RGL2: variants seen among roughly 807,000 people sequenced by gnomAD.
RGL2 encodes the protein ral guanine nucleotide dissociation stimulator-like 2.
RGL2 carries 40 observed loss-of-function variants against 84.6 expected under a neutral mutation model. The observed-to-expected ratio is 0.47, with a 90% confidence interval of 0.37 to 0.62. RGL2 has a LOEUF of 0.62. Among genes scored for constraint, RGL2 ranks in the 20% least tolerant of loss-of-function variants. RGL2 has a pLI of 0.00. For synonymous variants in RGL2, 369 were observed against 417.3 expected (o/e 0.88, Z 1.41); for missense variants, 865 against 1,019.7 (o/e 0.85, Z 2.07).
In RGL2 at chr6:33,298,013, A is replaced by AG. The variant is rs1348489419; in HGVS notation, c.156+441dup. 19 of 124,298 alleles carry AG rather than the reference A, an allele frequency of 1.5e-4. No homozygotes were observed. The highest frequency in any genetic ancestry group is 5.3e-4 in the African/African-American group (18 of 33,910). The allele number at this position is 124,298 out of a possible 1,614,324, so 7.7% of individuals were successfully genotyped here. On this transcript the variant is annotated intron_variant, in intron 2 of 17. Coordinates refer to ENST00000497454, the MANE Select transcript of RGL2 (RefSeq NM_004761.5). This position sits in a 1 kb window ranked among gnomAD's most constrained non-coding sequence, Gnocchi z 4.8. ...GGGGCGGGGCGGGGGGGCGGGGGGA[A>AG]GGGGGAGAGAGGGAAGGAGGGGTCA...
upstream of RGL2, chr6:33,299,356 C>G (rs1768340817): frequency 6.6e-6 from 1 of 152,224 alleles, no homozygotes; most frequent in African/African-American, 2.4e-5. This position sits in a 1 kb window ranked among gnomAD's most constrained non-coding sequence, Gnocchi z 5.0. Flanking sequence ...ACCCTCCCTA[C>G]CACAACCCAC....
Position 33,293,686 on chromosome 6 carries a change from A to C in RGL2, c.1522T>G (p.Cys508Gly). 2 of 1,614,118 alleles carry C rather than the reference A, an allele frequency of 1.2e-6. No individual in the cohort carries two copies. Among genetic ancestry groups the C allele is most frequent in the South Asian group, 2.2e-5 (2 of 91,082 alleles). ...CTGGAACCAGGTGGCTCCACCTCAC[A>C]GGATACACGATGGCTGGGTTAGGGG... Reference protein sequence around the residue: ...LTEAQSHRVSCEVEPPGSSDP... With the variant: ...LTEAQSHRVSGEVEPPGSSDP... Residue 508 changes from cysteine to glycine, a missense_variant, in exon 14 of 18, where the codon TGT becomes GGT. Around this residue, in one of 5 missense-constraint regions of RGL2, gnomAD observed 75 missense variants for 130.8 expected, o/e 0.57. Transcript: ENST00000497454. The surrounding 1 kb of genome is among the most constrained non-coding windows in gnomAD (Gnocchi z 7.0).
chr6:33,291,842 G>A lies in RGL2; in HGVS notation c.*260C>T, dbSNP rs185862325. 12 of 586,674 alleles carry A rather than the reference G, an allele frequency of 2.0e-5. No individual in the cohort carries two copies. In the East Asian group the frequency reaches 3.4e-4, roughly 17 times the overall value. 36.3% of individuals were successfully genotyped at this position (586,674 alleles called of 1,614,324 possible). ...ATGGCCAAGAATCAGAAACTGATGC[G>A]TTTTTCCAGCACTACCTGTGTGCTG... On this transcript the variant is annotated 3_prime_UTR_variant, in exon 18 of 18. Coordinates refer to ENST00000497454, the MANE Select transcript of RGL2 (RefSeq NM_004761.5).
chr6:33,298,126 G>A lies in RGL2; in HGVS notation c.156+329C>T, dbSNP rs554117773. 196 of 223,184 alleles carry A rather than the reference G, an allele frequency of 8.8e-4. No individual in the cohort carries two copies. The highest frequency in any genetic ancestry group is 1.4e-3 in the Non-Finnish European group (155 of 113,366). The allele number at this position is 223,184 out of a possible 1,614,324, so 13.8% of individuals were successfully genotyped here. A position where few individuals can be genotyped will look rare whatever the true frequency, so the allele number is the denominator to read the frequency against. On this transcript the variant is annotated intron_variant, in intron 2 of 17. Transcript: ENST00000497454. The surrounding 1 kb of genome is among the most constrained non-coding windows in gnomAD (Gnocchi z 4.8). ...CCCCTCCCCGCCAAACAAAAACAAG[G>A]AGGGAGACAGGGACCAAGACACGAC...
rs1767676660 is a variant in RGL2, at chr6:33,293,857, G to A, written c.1446C>T (p.Leu482=). 6.2e-7 allele frequency: 1 copy of A among 1,614,158 alleles called. No individual in the cohort carries two copies. The highest frequency in any genetic ancestry group is 1.3e-5 in the African/African-American group (1 of 75,030). Residue 482 remains leucine (L), a synonymous_variant, in exon 13 of 18, where the codon CTC becomes CTT. Transcript: ENST00000497454. The surrounding 1 kb of genome is among the most constrained non-coding windows in gnomAD (Gnocchi z 7.0). Reference sequence around the variant, plus strand: ...ACCTCTGGATATCATGGTCAGGTTGGAGGTTATAGCCACGACATTCATTCT... The same window carrying A: ...ACCTCTGGATATCATGGTCAGGTTGAAGGTTATAGCCACGACATTCATTCT... ...RLQNECRGYN[L]QPDHDIQRWL... is the part of the protein sequence containing the mutation.
rs1288459587 is a variant in RGL2, at chr6:33,296,640, G to T, written c.377C>A (p.Ala126Asp). The change falls in exon 4 of 18, where the codon GCC becomes GAC. Residue 126 changes from alanine to aspartate, a missense_variant. This residue lies in a region of RGL2 where 455 missense variants were observed against 507.8 expected (regional missense o/e 0.90). Coordinates refer to ENST00000497454, the MANE Select transcript of RGL2 (RefSeq NM_004761.5). This position sits in a 1 kb window ranked among gnomAD's most constrained non-coding sequence, Gnocchi z 5.0. ...FMSAFLATHRAFTSTPALLGL... is the reference protein window; with the variant it reads ...FMSAFLATHRDFTSTPALLGL... ...TAGCAAGGCAGGCGTGGAGGTGAAG[G>T]CCCGGTGGGTAGCCAGGAAGGCTGA... is the stretch of plus-strand genomic sequence containing the variant. The T allele has an allele frequency of 1.2e-6, 2 of 1,613,878 alleles. No individual in the cohort carries two copies. The highest frequency in any genetic ancestry group is 1.7e-6 in the Non-Finnish European group (2 of 1,179,998).
In RGL2 at chr6:33,293,572, AG is replaced by A; in HGVS notation, c.1604+31del. 6.2e-7 allele frequency: 1 copy of A among 1,612,912 alleles called. No individual in the cohort carries two copies. Among genetic ancestry groups the A allele is most frequent in the South Asian group, 1.1e-5 (1 of 90,960 alleles). On this transcript the variant is annotated intron_variant, in intron 14 of 17. Coordinates refer to ENST00000497454, the MANE Select transcript of RGL2 (RefSeq NM_004761.5). This position sits in a 1 kb window ranked among gnomAD's most constrained non-coding sequence, Gnocchi z 7.0. ...GGATCAGAGAAAAGTGGAAGTCCCA[AG>A]AAACCACCCCCCAGCCAGTGAATCT...
chr6:33,299,520 T>C (rs901352320), upstream of RGL2, among the ~76,000 whole-genome samples: 2 of 151,902 alleles, frequency 1.3e-5, no homozygotes, highest in Non-Finnish European at 2.9e-5. The surrounding 1 kb of genome is among the most constrained non-coding windows in gnomAD (Gnocchi z 5.0). Context: ...GTCGGCTCGG[T>C]GTATCCTCGC....
At chr6:33,300,178 C>T (rs1768442517), upstream of RGL2, 1 of 153,724 alleles carries the variant, frequency 6.5e-6, no homozygotes, top group African/African-American at 2.4e-5. Context: ...TGGCGAGCAC[C>T]ATCTAGGGCT....
At position 33,298,162 on chromosome 6, in the gene RGL2, G is replaced by A. The variant is rs1006204317; in HGVS notation, c.156+293C>T. ...GGACCAAGACACGACTGCTCAGAGA[G>A]GTAGGCACACTCAGGCAGGCAGAGG... On this transcript the variant is annotated intron_variant, in intron 2 of 17. Coordinates refer to ENST00000497454, the MANE Select transcript of RGL2 (RefSeq NM_004761.5). This position sits in a 1 kb window ranked among gnomAD's most constrained non-coding sequence, Gnocchi z 4.8. 5 of 337,078 alleles carry A rather than the reference G, an allele frequency of 1.5e-5. No homozygotes were observed. The highest frequency in any genetic ancestry group is 2.8e-5 in the Non-Finnish European group (5 of 181,338). 20.9% of individuals were successfully genotyped at this position (337,078 alleles called of 1,614,324 possible).
chr6:33,293,801 G>A lies in RGL2; in HGVS notation c.1502C>T (p.Ala501Val), dbSNP rs1218134010. Residue 501 changes from alanine to valine, a missense_variant, in exon 13 of 18, where the codon GCT becomes GTT. Physicochemically the swap from Ala to Val is moderately conservative, Grantham distance 64. This residue lies in a region of RGL2 where 75 missense variants were observed against 130.8 expected (regional missense o/e 0.57). Transcript: ENST00000497454. This position sits in a 1 kb window ranked among gnomAD's most constrained non-coding sequence, Gnocchi z 7.0. ...WLQGLRPLTEAQSHRVSCEVE... is the reference protein window; with the variant it reads ...WLQGLRPLTEVQSHRVSCEVE... ...AACCTCACCCGCCAGTCACCTCTGAGCCTCTGTCAGTGGCCGGAGCCCCTG... is the reference window on the plus strand; with the variant it reads ...AACCTCACCCGCCAGTCACCTCTGAACCTCTGTCAGTGGCCGGAGCCCCTG... 3.7e-6 allele frequency: 6 copies of A among 1,614,152 alleles called. No individual in the cohort carries two copies. Among genetic ancestry groups the A allele is most frequent in the Non-Finnish European group, 5.1e-6 (6 of 1,180,016 alleles).
chr6:33,291,967 G>A lies in RGL2; in HGVS notation c.*135C>T, dbSNP rs757912725. On this transcript the variant is annotated 3_prime_UTR_variant, in exon 18 of 18. Coordinates refer to ENST00000497454, the MANE Select transcript of RGL2 (RefSeq NM_004761.5). ...TTCTCAGCTGTCTGGTAAACCAGTGGCACTTCACTGCCCCAGGGTGGCTGG... is the reference window on the plus strand; with the variant it reads ...TTCTCAGCTGTCTGGTAAACCAGTGACACTTCACTGCCCCAGGGTGGCTGG... The A allele has an allele frequency of 5.6e-6, 5 of 894,316 alleles. No individual in the cohort carries two copies. The highest frequency in any genetic ancestry group is 4.5e-5 in the Admixed American group (2 of 44,620). 55.4% of individuals were successfully genotyped at this position (894,316 alleles called of 1,614,324 possible). A position where few individuals can be genotyped will look rare whatever the true frequency, so the allele number is the denominator to read the frequency against.
chr6:33,295,073 G>T lies in RGL2; in HGVS notation c.1210-28C>A, dbSNP rs765341234. Reference sequence around the variant, plus strand: ...GGTGGTGACAAAATAAAAGAGACATGGGGGAGCAGTAGGGAACAAGGAGAG... The same window carrying T: ...GGTGGTGACAAAATAAAAGAGACATTGGGGAGCAGTAGGGAACAAGGAGAG... On this transcript the variant is annotated intron_variant, in intron 9 of 17. Coordinates refer to ENST00000497454, the MANE Select transcript of RGL2 (RefSeq NM_004761.5). The surrounding 1 kb of genome is among the most constrained non-coding windows in gnomAD (Gnocchi z 7.2). 1 of 1,588,808 alleles carries T rather than the reference G, an allele frequency of 6.3e-7. No homozygotes were observed. Among genetic ancestry groups the T allele is most frequent in the Non-Finnish European group, 8.6e-7 (1 of 1,166,466 alleles).
Position 33,292,422 on chromosome 6 carries a change from C to T in RGL2, c.2122+8G>A, listed in dbSNP as rs778654561. The T allele has an allele frequency of 5.0e-6, 8 of 1,613,614 alleles. No individual in the cohort carries two copies. Among genetic ancestry groups the T allele is most frequent in the Middle Eastern group, 1.6e-4 (1 of 6,084 alleles). On this transcript the variant is annotated splice_region_variant and intron_variant, in intron 17 of 17. Transcript: ENST00000497454. ...TCCCGAGTCTGCCTTTCCCTCATGG[C>T]CTCTGACCTCGCTCCCCTGGTAGCA...
rs1768236278 is a variant in RGL2 at position 33,298,472 on chromosome 6, C to T, written c.139G>A (p.Glu47Lys). Residue 47 changes from glutamate to lysine, a missense_variant, in exon 2 of 18, where the codon GAG (glutamate) becomes AAG (lysine). Physicochemically the swap from Glu to Lys is moderately conservative, Grantham distance 56. This residue lies in a region of RGL2 where 455 missense variants were observed against 507.8 expected (regional missense o/e 0.90). Coordinates refer to ENST00000497454, the MANE Select transcript of RGL2 (RefSeq NM_004761.5). This position sits in a 1 kb window ranked among gnomAD's most constrained non-coding sequence, Gnocchi z 4.8. ...CGTCTCACCTCTTCTTCTTCCTCCT[C>T]CTCTTCCTCCTGCCCCCCGCCCACG... ...LVVGGGQEEEEEEEEEAPVSV... is the reference protein window; with the variant it reads ...LVVGGGQEEEKEEEEEAPVSV... 9.3e-6 allele frequency: 14 copies of T among 1,509,056 alleles called. No individual in the cohort carries two copies. The highest frequency in any genetic ancestry group is 1.2e-5 in the Non-Finnish European group (13 of 1,114,832). The allele number at this position is 1,509,056 out of a possible 1,614,324, so 93.5% of individuals were successfully genotyped here. A position where few individuals can be genotyped will look rare whatever the true frequency, so the allele number is the denominator to read the frequency against.
rs1013526998 is a variant in RGL2 at position 33,295,816 on chromosome 6, T to C, written c.769-57A>G. On this transcript the variant is annotated intron_variant, in intron 6 of 17. Transcript: ENST00000497454. The surrounding 1 kb of genome is among the most constrained non-coding windows in gnomAD (Gnocchi z 7.2). ...TAGTCAAGTGAGGTCAGCCTTCCAA[T>C]ATCAGGGATCTGAGGATCTCAGGTG... is the stretch of plus-strand genomic sequence containing the variant. 2.5e-6 allele frequency: 4 copies of C among 1,569,652 alleles called. No homozygotes were observed. Among genetic ancestry groups the C allele is most frequent in the South Asian group, 1.2e-5 (1 of 86,188 alleles).
At position 33,296,652 on chromosome 6, in the gene RGL2, G is replaced by A. The variant is rs1224031891; in HGVS notation, c.365C>T (p.Ala122Val). Residue 122 changes from alanine (A) to valine (V), a missense_variant, in exon 4 of 18, where the codon GCT becomes GTT. Around this residue, in one of 5 missense-constraint regions of RGL2, gnomAD observed 455 missense variants for 507.8 expected, o/e 0.90. Transcript: ENST00000497454. The surrounding 1 kb of genome is among the most constrained non-coding windows in gnomAD (Gnocchi z 5.0). ...TDVSFMSAFL[A>V]THRAFTSTPA... ...CGTGGAGGTGAAGGCCCGGTGGGTA[G>A]CCAGGAAGGCTGACATGAAGCTCAC... 1 of 1,613,864 alleles carries A rather than the reference G, an allele frequency of 6.2e-7. No homozygotes were observed.
At chr6:33,300,660 C>CAGAAAAAA (rs9282488), upstream of RGL2, 76,967 of 137,070 alleles carry the variant, frequency 0.56, 20,793 homozygotes, top group African/African-American at 0.66. Context: ...GACTCTGTCT[C>CAGAAAAAA]AGAAAAAAAG....
rs138299795 is a variant in RGL2 at position 33,296,245 on chromosome 6, C to T, written c.551G>A (p.Arg184Gln). 5.6e-6 allele frequency: 9 copies of T among 1,613,982 alleles called. No homozygotes were observed. The highest frequency in any genetic ancestry group is 1.3e-5 in the African/African-American group (1 of 75,046). ...TGTCTGAAGTAAGAAGCTCTCAAGCCGGTCAAGCTGACCCTTGGCCTCAGA... is the reference window on the plus strand; with the variant it reads ...TGTCTGAAGTAAGAAGCTCTCAAGCTGGTCAAGCTGACCCTTGGCCTCAGA... ...FGSEAKGQLD[R>Q]LESFLLQTGY... is the part of the protein sequence containing the mutation. The change falls in exon 6 of 18, where the codon CGG (arginine) becomes CAG (glutamine). Residue 184 changes from arginine to glutamine, a missense_variant. Physicochemically the swap from Arg to Gln is conservative, Grantham distance 43. Around this residue, in one of 5 missense-constraint regions of RGL2, gnomAD observed 455 missense variants for 507.8 expected, o/e 0.90. Transcript: ENST00000497454. The surrounding 1 kb of genome is among the most constrained non-coding windows in gnomAD (Gnocchi z 5.0).
Sources: allele counts gnomAD v4.1 joint callset (sites outside exome capture counted in the v4.1 genomes callset), GRCh38; gene constraint gnomAD v4.1.1; regional missense constraint gnomAD v4.1.1; non-coding constraint Gnocchi (gnomAD v3.1); transcripts MANE v1.5; gene names NCBI Gene and HGNC (gene_info 2026-07-23, HGNC 2026-07-21).